Variants in ANKRD11 observed in about 807,000 individuals in gnomAD.
ANKRD11 encodes the protein ankyrin repeat domain-containing protein 11.
Under a neutral mutation model 195.7 loss-of-function variants are expected in ANKRD11, and 17 were observed. The ratio of observed to expected loss-of-function variants is 0.09; its 90% CI spans 0.06 to 0.13. The LOEUF (loss-of-function observed/expected upper bound fraction) is 0.13, where lower values mean the gene tolerates loss of function less well. ANKRD11 is among the 10% of genes least tolerant of loss of function. The probability of loss-of-function intolerance (pLI) is 1.00; values close to 1 mark genes in which losing one functional copy is unlikely to be tolerated. For missense variants in ANKRD11, 3,735 were observed against 3,566.1 expected (o/e 1.05, Z -1.21); for synonymous variants, 1,953 against 1,528.1 (o/e 1.28, Z -6.49).
At chr16:89,396,731 G>C (rs1412967454) in intron 2 of ANKRD11, among the ~76,000 whole-genome samples, 1 of 152,184 alleles carries the variant, frequency 6.6e-6, no homozygotes, top group Admixed American at 6.5e-5. Flanking sequence ...CTGTCGCCCA[G>C]GCTGGAGTGC....
At chr16:89,381,196 G>A (rs2040629899) in intron 2 of ANKRD11, among the ~76,000 whole-genome samples, 1 of 152,120 alleles carries the variant, frequency 6.6e-6, no homozygotes, top group Non-Finnish European at 1.5e-5. Context: ...GCTGGGCATG[G>A]TGGTGTGCAC....
chr16:89,377,900 T>C (rs2152097072), intron 2 of ANKRD11, among the ~76,000 whole-genome samples: 1 of 151,280 alleles, frequency 6.6e-6, no homozygotes, highest in South Asian at 2.1e-4. Context: ...CCCCTCCTCC[T>C]TCTACTCAAT....
intron 2 of ANKRD11, among the ~76,000 whole-genome samples, chr16:89,345,832 C>T (rs371551190): frequency 6.6e-6 from 1 of 152,236 alleles, no homozygotes; most frequent in East Asian, 1.9e-4. Context: ...GACTTGAGGC[C>T]AGAATGCATT....
chr16:89,440,171 C>T (rs2043384579), intron 1 of ANKRD11, among the ~76,000 whole-genome samples: 1 of 152,198 alleles, frequency 6.6e-6, no homozygotes, highest in African/African-American at 2.4e-5. Flanking sequence ...GGGACAATGG[C>T]AGGGTTCACA....
chr16:89,488,437 TC>T (rs1386664956), intron 1 of ANKRD11, among the ~76,000 whole-genome samples: 1 of 147,374 alleles, frequency 6.8e-6, no homozygotes, highest in East Asian at 2.1e-4. Flanking sequence ...GAGCAAGACA[TC>T]CGCCCCCCCC....
intron 12 of ANKRD11, chr16:89,270,278 C>T (rs956353750): frequency 2.4e-5 from 5 of 210,162 alleles, no homozygotes; most frequent in African/African-American, 4.6e-5. Flanking sequence ...TAGCCGGGGC[C>T]GCCTGCTCCC....
intron 4 of ANKRD11, chr16:89,299,619 GGATGCATGGGGTCTGTGCCCTGTGTGA>G (rs2035695427): frequency 3.1e-5 from 5 of 161,206 alleles, no homozygotes; most frequent in South Asian, 6.4e-5. Flanking sequence ...GCCCTGTGTG[GGATGCATGGGGTCTGTGCCCTGTGTGA>G]GGTGCCTGCC....
intron 2 of ANKRD11, chr16:89,324,200 G>A (rs1371997262): frequency 1.0e-5 from 12 of 1,178,124 alleles, no homozygotes; most frequent in South Asian, 4.8e-5. Flanking sequence ...CACCGAGAGC[G>A]CGTTCAGCAT....
At chr16:89,388,286 GA>G (rs2041014641) in intron 2 of ANKRD11, among the ~76,000 whole-genome samples, 2 of 92,396 alleles carry the variant, frequency 2.2e-5, no homozygotes, top group Non-Finnish European at 5.1e-5. Context: ...TTCTCTCCAT[GA>G]GGCTGATTTT....
chr16:89,367,209 A>G (rs751045254), intron 2 of ANKRD11, among the ~76,000 whole-genome samples: 1 of 152,150 alleles, frequency 6.6e-6, no homozygotes, highest in Non-Finnish European at 1.5e-5. Flanking sequence ...TTCCCATCGA[A>G]ACACAACAGT....
chr16:89,337,748 G>A lies in ANKRD11; in HGVS notation c.-59-20670C>T, dbSNP rs1214547924. Among the ~76,000 whole-genome samples the A allele has an allele frequency of 2.0e-5, 3 of 152,164 alleles. No individual in the cohort carries two copies. The East Asian group carries it at 5.8e-4, about 29-fold the overall frequency. On this transcript the variant is annotated intron_variant, in intron 2 of 12. Transcript: ENST00000301030. ...AGCCACTGTGCCCGGCCTGGTCTAA[G>A]CAATTCTAACCATGCAGACAATGTG...
intron 11 of ANKRD11, chr16:89,272,282 T>A (rs1427858518): frequency 3.3e-5 from 5 of 152,208 alleles, no homozygotes; most frequent in Non-Finnish European, 5.9e-5. Context: ...GGAACCCTCG[T>A]ACCCCGTTGG....
intron 2 of ANKRD11, among the ~76,000 whole-genome samples, chr16:89,397,535 C>T (rs1030302306): frequency 3.9e-5 from 6 of 152,196 alleles, no homozygotes; most frequent in African/African-American, 9.7e-5. Context: ...TCGTCCCTGA[C>T]GGGGAAGGGT....
chr16:89,324,930 T>C (rs2037610933), intron 2 of ANKRD11: 1 of 202,524 alleles, frequency 4.9e-6, no homozygotes, highest in South Asian at 7.7e-5. Context: ...TTTATCCTAT[T>C]AGTGCTGTCC....
rs1312503091 is a variant in ANKRD11, at chr16:89,291,039, G to A, written c.371C>T (p.Thr124Met). 3 of 1,612,526 alleles carry A rather than the reference G, an allele frequency of 1.9e-6. No homozygotes were observed. The highest frequency in any genetic ancestry group is 1.7e-6 in the Non-Finnish European group (2 of 1,179,864). ...TGGGCTGTTGGCAGACTCCTCGGCC[G>A]TCATCTGCATGAGAAGGGCCACCTG... The part of the protein sequence containing the change: ...RQQVALLMQM[T>M]AEESANSPVD... Residue 124 changes from threonine (T) to methionine (M), a missense_variant, in exon 5 of 13, where the codon ACG (threonine) becomes ATG (methionine). Physicochemically the swap from Thr to Met is moderately conservative, Grantham distance 81. Coordinates refer to ENST00000301030, the MANE Select transcript of ANKRD11 (RefSeq NM_013275.6). The surrounding 1 kb of genome is among the most constrained non-coding windows in gnomAD (Gnocchi z 5.3).
intron 2 of ANKRD11, among the ~76,000 whole-genome samples, chr16:89,343,349 T>G (rs1406076039): frequency 6.6e-6 from 1 of 152,226 alleles, no homozygotes; most frequent in Non-Finnish European, 1.5e-5. Flanking sequence ...AAATTGACAT[T>G]TAGTTATAAG....
At chr16:89,343,521 G>C (rs1223162632) in intron 2 of ANKRD11, among the ~76,000 whole-genome samples, 2 of 152,168 alleles carry the variant, frequency 1.3e-5, no homozygotes, top group South Asian at 4.1e-4. Context: ...AAATGAGACA[G>C]AGCTCGAGGT....
intron 2 of ANKRD11, among the ~76,000 whole-genome samples, chr16:89,342,840 CCTTT>C (rs2038755390): frequency 6.6e-6 from 1 of 152,132 alleles, no homozygotes; most frequent in Non-Finnish European, 1.5e-5. Flanking sequence ...CCTCAGAGTG[CCTTT>C]CTGTGATCGT....
At chr16:89,354,833 G>A (rs1313855880) in intron 2 of ANKRD11, among the ~76,000 whole-genome samples, 2 of 151,436 alleles carry the variant, frequency 1.3e-5, no homozygotes, top group South Asian at 2.1e-4. Flanking sequence ...GTTGCAGTGA[G>A]CCGAGATCAC....
Sources: allele counts gnomAD v4.1 joint callset (sites outside exome capture counted in the v4.1 genomes callset), GRCh38; gene constraint gnomAD v4.1.1; non-coding constraint Gnocchi (gnomAD v3.1); transcripts MANE v1.5; gene names NCBI Gene and HGNC (gene_info 2026-07-23, HGNC 2026-07-21).